Variants in GRM8 observed in about 807,000 individuals in gnomAD.
GRM8 encodes glutamate metabotropic receptor 8, also known as metabotropic glutamate receptor 8.
GRM8 carries 47 observed loss-of-function variants against 87.2 expected under a neutral mutation model. That is an observed-to-expected ratio of 0.54 (90% CI 0.43 to 0.69). GRM8 has a LOEUF of 0.69. Ranked by LOEUF, GRM8 falls within the 30% of genes least tolerant of loss-of-function variation. The probability of loss-of-function intolerance (pLI) is 0.00; values close to 1 mark genes in which losing one functional copy is unlikely to be tolerated. For missense variants in GRM8, 1,019 were observed against 1,139.2 expected (o/e 0.89, Z 1.52); for synonymous variants, 396 against 404.5 (o/e 0.98, Z 0.25).
chr7:126,744,387 C>T (rs988913367), intron 7 of GRM8, among the ~76,000 whole-genome samples: 9 of 151,914 alleles, frequency 5.9e-5, no homozygotes, highest in Non-Finnish European at 1.0e-4. Flanking sequence ...TTTGGGCCTT[C>T]GTATAAAAAT....
At chr7:127,238,306 A>ATATGTG (rs368979939) in intron 2 of GRM8, among the ~76,000 whole-genome samples, 1 of 146,766 alleles carries the variant, frequency 6.8e-6, no homozygotes, top group African/African-American at 2.5e-5. Flanking sequence ...GTGTGTGTGC[A>ATATGTG]TGTGTGTGTG....
chr7:127,233,227 C>T (rs912115084), intron 2 of GRM8, among the ~76,000 whole-genome samples: 2 of 152,110 alleles, frequency 1.3e-5, no homozygotes, highest in Non-Finnish European at 2.9e-5. Context: ...AGTTTGAACT[C>T]GGGCAGTCTG....
chr7:126,714,047 G>A (rs1045598912), intron 7 of GRM8, among the ~76,000 whole-genome samples: 5 of 151,162 alleles, frequency 3.3e-5, no homozygotes, highest in African/African-American at 7.3e-5. Flanking sequence ...CGAGGCGGGC[G>A]GATCACTTGA....
At chr7:126,520,563 T>C (rs367931705) in intron 9 of GRM8, among the ~76,000 whole-genome samples, 4 of 151,920 alleles carry the variant, frequency 2.6e-5, no homozygotes, top group African/African-American at 9.7e-5. Flanking sequence ...AAGTCCAAAA[T>C]GGGGCAACTT....
At chr7:127,014,748 G>T (rs10279222) in intron 3 of GRM8, among the ~76,000 whole-genome samples, 3 of 151,820 alleles carry the variant, frequency 2.0e-5, no homozygotes, top group African/African-American at 4.8e-5. Context: ...AATTAGTTTT[G>T]CCACCTGCCT....
chr7:126,602,121 G>A (rs895478221), intron 8 of GRM8, among the ~76,000 whole-genome samples: 44 of 142,590 alleles, frequency 3.1e-4, no homozygotes, highest in African/African-American at 1.0e-3. Context: ...AAGGTGTAAG[G>A]AAGGGATCCA....
Position 126,744,943 on chromosome 7 carries a change from T to C in GRM8, c.1357+24922A>G, listed in dbSNP as rs79692529. On this transcript the variant is annotated intron_variant, in intron 7 of 10. Coordinates refer to ENST00000339582, the MANE Select transcript of GRM8 (RefSeq NM_000845.3). ...GCAATGGCTATTTTTCATTAAAATA[T>C]GTTATTTATTAACATGTAATTGATT... Among the ~76,000 whole-genome samples the C allele has an allele frequency of 5.0e-3, 747 of 148,832 alleles. 6 individuals are homozygous for C. Among genetic ancestry groups the C allele is most frequent in the African/African-American group, 0.018 (717 of 40,652 alleles).
intron 7 of GRM8, chr7:126,701,897 G>T: frequency 1.9e-6 from 1 of 539,968 alleles, no homozygotes. Context: ...GTTTGCTTTA[G>T]ACAGCCCCAT....
At position 126,494,196 on chromosome 7, in the gene GRM8, CA is replaced by C. The variant is rs558611156; in HGVS notation, c.2430+38755del. On this transcript the variant is annotated intron_variant, in intron 9 of 10. Coordinates refer to ENST00000339582, the MANE Select transcript of GRM8 (RefSeq NM_000845.3). ...AATTGGTTTAGAGTCTGTAGGGAGA[CA>C]GCAGCATGACTGTAATTCTCACACA... Among the ~76,000 whole-genome samples the C allele has an allele frequency of 4.1e-4, 63 of 152,116 alleles. 1 individual carries two copies. In the Middle Eastern group the frequency reaches 0.01, roughly 25 times the overall value.
At chr7:126,558,509 A>T (rs1378189311) in intron 8 of GRM8, among the ~76,000 whole-genome samples, 1 of 152,156 alleles carries the variant, frequency 6.6e-6, no homozygotes, top group Non-Finnish European at 1.5e-5. Flanking sequence ...GCCAAAATCC[A>T]TGGATTCTGA....
At chr7:126,831,637 G>A (rs765048746) in intron 6 of GRM8, among the ~76,000 whole-genome samples, 2 of 152,178 alleles carry the variant, frequency 1.3e-5, no homozygotes, top group Non-Finnish European at 2.9e-5. Context: ...GGAAGTCCCT[G>A]ACTCCTTGTG....
chr7:126,460,502 G>T (rs1287168174), intron 9 of GRM8, among the ~76,000 whole-genome samples: 1 of 151,612 alleles, frequency 6.6e-6, no homozygotes, highest in African/African-American at 2.4e-5. Flanking sequence ...GAAAGGTGGA[G>T]AAGGCTTTGA....
chr7:126,490,178 C>T (rs965215329), intron 9 of GRM8, among the ~76,000 whole-genome samples: 34 of 152,080 alleles, frequency 2.2e-4, no homozygotes, highest in African/African-American at 8.0e-4. Context: ...GGTTCTGTTT[C>T]TGTGGAGAAT....
chr7:126,554,652 G>T (rs1429025940), intron 8 of GRM8, among the ~76,000 whole-genome samples: 1 of 151,954 alleles, frequency 6.6e-6, no homozygotes, highest in Non-Finnish European at 1.5e-5. Context: ...AAAGCACATG[G>T]TATATAACAA....
At chr7:127,152,466 A>C (rs1792452240) in intron 2 of GRM8, among the ~76,000 whole-genome samples, 1 of 152,116 alleles carries the variant, frequency 6.6e-6, no homozygotes, top group Admixed American at 6.6e-5. Context: ...TATAAGCATG[A>C]TTGAGAGTAT....
intron 2 of GRM8, among the ~76,000 whole-genome samples, chr7:127,232,498 C>A (rs2116818048): frequency 6.6e-6 from 1 of 152,308 alleles, no homozygotes; most frequent in East Asian, 1.9e-4. Context: ...AATCCATCCA[C>A]CTTGGCCTCC....
At chr7:126,983,058 T>C (rs981189300) in intron 3 of GRM8, among the ~76,000 whole-genome samples, 1 of 152,186 alleles carries the variant, frequency 6.6e-6, no homozygotes, top group African/African-American at 2.4e-5. Context: ...CAGACAGCAC[T>C]GTAACCCCCT....
Position 126,609,463 on chromosome 7 carries a change from C to T in GRM8, c.1393G>A (p.Gly465Arg), listed in dbSNP as rs760631675. The change falls in exon 8 of 11, where the codon GGA becomes AGA. Residue 465 changes from glycine to arginine, a missense_variant. Gly to Arg is a moderately radical substitution (Grantham distance 125, BLOSUM62 -2). Coordinates refer to ENST00000339582, the MANE Select transcript of GRM8 (RefSeq NM_000845.3). Reference protein sequence around the residue: ...AGTPVTFNENGDAPGRYDIFQ... With the variant: ...AGTPVTFNENRDAPGRYDIFQ... ...ATATCATAACGTCCAGGAGCATCTC[C>T]GTTTTCATTAAAAGTGACAGGAGTG... 12 of 1,612,010 alleles carry T rather than the reference C, an allele frequency of 7.4e-6. No individual in the cohort carries two copies. Among genetic ancestry groups the T allele is most frequent in the African/African-American group, 2.7e-5 (2 of 74,882 alleles).
At chr7:127,065,382 G>A (rs995593586) in intron 3 of GRM8, among the ~76,000 whole-genome samples, 2 of 152,178 alleles carry the variant, frequency 1.3e-5, no homozygotes, top group African/African-American at 2.4e-5. Context: ...GAGAGTGGGA[G>A]GAGGGACAGA....
Sources: gnomAD v4.1 joint callset for allele counts (sites outside exome capture counted in the v4.1 genomes callset) on GRCh38, gnomAD v4.1.1 for gene constraint, MANE v1.5 for transcripts, NCBI Gene and HGNC (gene_info 2026-07-23, HGNC 2026-07-21) for gene names.